The following RBBP9 variants were observed in gnomAD, a reference collection of about 807,000 sequenced individuals.
The protein encoded by RBBP9 is serine hydrolase RBBP9.
Under a neutral mutation model 24.2 loss-of-function variants are expected in RBBP9, and 20 were observed. That is an observed-to-expected ratio of 0.83 (90% CI 0.58 to 1.20). The LOEUF (loss-of-function observed/expected upper bound fraction) is 1.20. Among genes scored for constraint, RBBP9 ranks in the 50% most tolerant of loss-of-function variants. The probability of loss-of-function intolerance (pLI) is 0.00; values close to 1 mark genes in which losing one functional copy is unlikely to be tolerated. For missense variants in RBBP9, 234 were observed against 233.6 expected, an observed-to-expected ratio of 1.00 and a Z score of -0.01; for synonymous variants, 74 against 84.6, an observed-to-expected ratio of 0.87 and a Z score of 0.69.
Position 18,497,208 on chromosome 20 carries a change from G to C in RBBP9, c.-41C>G. On this transcript the variant is annotated 5_prime_UTR_variant, in exon 1 of 5. Transcript: ENST00000337227. ...AGAGTTCCCCAGCGCGGGTCCAGCG[G>C]AGCTGAGCCCAGCCTGCTCCCGCAG... is the stretch of plus-strand genomic sequence containing the variant. 1.3e-6 allele frequency: 2 copies of C among 1,534,682 alleles called. No homozygotes were observed. The highest frequency in any genetic ancestry group is 1.1e-5 in the South Asian group (1 of 88,732).
rs546492449 is a variant in RBBP9 at position 18,487,180 on chromosome 20, T to C, written c.*2584A>G. On this transcript the variant is annotated 3_prime_UTR_variant, in exon 5 of 5. Coordinates refer to ENST00000337227, the MANE Select transcript of RBBP9 (RefSeq NM_006606.3). ...ACCAGTGGCTGTTGAGCACTTGAAA[T>C]ATGGCTAGTTTGACTGAACTGAATT... 1 of 152,284 alleles carries C rather than the reference T, an allele frequency of 6.6e-6. No individual in the cohort carries two copies. The highest frequency in any genetic ancestry group is 2.4e-5 in the African/African-American group (1 of 41,558). 9.4% of individuals were successfully genotyped at this position (152,284 alleles called of 1,614,324 possible). A position where few individuals can be genotyped will look rare whatever the true frequency, so the allele number is the denominator to read the frequency against.
chr20:18,493,059 T>G (rs2148873911), intron 3 of RBBP9, among the ~76,000 whole-genome samples: 1 of 152,358 alleles, frequency 6.6e-6, no homozygotes, highest in East Asian at 1.9e-4. Flanking sequence ...TGTGACAGCC[T>G]AAGTGACTGC....
At chr20:18,494,127 C>T in intron 2 of RBBP9, 64 bp from the exon 3 acceptor site, 3 of 1,308,656 alleles carry the variant, frequency 2.3e-6, no homozygotes, top group South Asian at 2.4e-5. Context: ...CCAACGCTGC[C>T]CCACCTTTCA....
rs2059874919 is a variant in RBBP9, at chr20:18,494,036, G to A, written c.170C>T (p.Pro57Leu). The change falls in exon 3 of 5, where the codon CCC (proline) becomes CTC (leucine). Residue 57 changes from proline (P) to leucine (L), a missense_variant. By Grantham distance (98) the Pro-to-Leu change is moderately conservative. Coordinates refer to ENST00000337227, the MANE Select transcript of RBBP9 (RefSeq NM_006606.3). Reference protein sequence around the residue: ...PITARESIWLPFMETELHCDE... With the variant: ...PITARESIWLLFMETELHCDE... ...ACAGTGCAGCTCTGTCTCCATGAAG[G>A]GCAGCCAGATGCTCTCTCGTGCTGT... is the stretch of plus-strand genomic sequence containing the variant. 3 of 1,613,614 alleles carry A rather than the reference G, an allele frequency of 1.9e-6. No individual in the cohort carries two copies. The highest frequency in any genetic ancestry group is 3.3e-5 in the Admixed American group (2 of 59,898).
At position 18,493,887 on chromosome 20, in the gene RBBP9, T is replaced by C. The variant is rs144168736; in HGVS notation, c.248+71A>G. The stretch of plus-strand genomic sequence containing the variant: ...TCCTCTGCAACAGAAATTTAAGATA[T>C]ACGCAAGGTATTTCTCAAGCAAGCA... On this transcript the variant is annotated intron_variant, in intron 3 of 4. Coordinates refer to ENST00000337227, the MANE Select transcript of RBBP9 (RefSeq NM_006606.3). 5,923 of 1,180,992 alleles carry C rather than the reference T, an allele frequency of 5.0e-3. 20 individuals carry two copies. The highest frequency in any genetic ancestry group is 6.5e-3 in the Middle Eastern group (25 of 3,828). 73.2% of individuals were successfully genotyped at this position (1,180,992 alleles called of 1,614,324 possible).
intron 4 of RBBP9, 62 bp from the exon 5 acceptor site, chr20:18,490,052 A>G: frequency 8.1e-7 from 1 of 1,234,390 alleles, no homozygotes; most frequent in Non-Finnish European, 1.1e-6. Flanking sequence ...AGATATTCTA[A>G]AATACCTACT....
chr20:18,495,326 C>T (rs1160287153), intron 2 of RBBP9, among the ~76,000 whole-genome samples: 1 of 145,968 alleles, frequency 6.9e-6, no homozygotes, highest in African/African-American at 2.5e-5. Flanking sequence ...GCTGTGTCCA[C>T]TCAGGGTTAA....
chr20:18,495,767 T>C, intron 2 of RBBP9, 71 bp downstream of exon 2: 1 of 1,441,038 alleles, frequency 6.9e-7, no homozygotes, highest in Non-Finnish European at 9.8e-7. Flanking sequence ...ATATTCTTGT[T>C]CTCTACCACA....
In RBBP9 at chr20:18,491,971, C is replaced by A. The variant is rs544002845; in HGVS notation, c.249-1491G>T. On this transcript the variant is annotated intron_variant, in intron 3 of 4. Transcript: ENST00000337227. Reference sequence around the variant, plus strand: ...AATTAGCCAGGTGTGGTGGCAGGCGCCTGTAGTCTCAGCTACTCGGGAGGC... The same window carrying A: ...AATTAGCCAGGTGTGGTGGCAGGCGACTGTAGTCTCAGCTACTCGGGAGGC... Among the ~76,000 whole-genome samples, 7 of 151,942 alleles carry A rather than the reference C, an allele frequency of 4.6e-5. No individual in the cohort carries two copies. In the East Asian group the frequency reaches 1.4e-3, roughly 29 times the overall value.
In RBBP9 at chr20:18,492,602, T is replaced by G. The variant is rs139297076; in HGVS notation, c.248+1356A>C. On this transcript the variant is annotated intron_variant, in intron 3 of 4. Transcript: ENST00000337227. ...GTTTGATCATTTGCTTAAAGTGATA[T>G]CCACCTGATTTCTCCATTGGAAAGG... 4.7e-3 allele frequency among the ~76,000 whole-genome samples: 717 copies of G among 152,312 alleles called. 4 individuals are homozygous for G. The highest frequency in any genetic ancestry group is 0.017 in the African/African-American group (688 of 41,564).
In RBBP9 at chr20:18,497,177, G is replaced by C; in HGVS notation, c.-10C>G. Reference sequence around the variant, plus strand: ...TGCTAGGAGAAGCCATGAGTGCAGCGAGGCCAGAGTTCCCCAGCGCGGGTC... The same window carrying C: ...TGCTAGGAGAAGCCATGAGTGCAGCCAGGCCAGAGTTCCCCAGCGCGGGTC... On this transcript the variant is annotated 5_prime_UTR_variant, in exon 1 of 5. Transcript: ENST00000337227. The C allele has an allele frequency of 6.2e-7, 1 of 1,608,608 alleles. No homozygotes were observed. The highest frequency in any genetic ancestry group is 8.5e-7 in the Non-Finnish European group (1 of 1,175,264).
At chr20:18,493,831 T>C (rs1217725813) in intron 3 of RBBP9, 127 bp downstream of exon 3, 1 of 702,350 alleles carries the variant, frequency 1.4e-6, no homozygotes, top group Non-Finnish European at 2.3e-6. Flanking sequence ...TTAGGACAGA[T>C]TATGTTACCA....
In RBBP9 at chr20:18,495,825, G is replaced by A; in HGVS notation, c.142+13C>T. Reference sequence around the variant, plus strand: ...ACAAGATGAGGCTATTTAAAAACAAGTTTAAAACTTACTTGGGTCGGGCAT... The same window carrying A: ...ACAAGATGAGGCTATTTAAAAACAAATTTAAAACTTACTTGGGTCGGGCAT... On this transcript the variant is annotated intron_variant, in intron 2 of 4. Coordinates refer to ENST00000337227, the MANE Select transcript of RBBP9 (RefSeq NM_006606.3). The A allele has an allele frequency of 6.5e-7, 1 of 1,550,186 alleles. No homozygotes were observed. Among genetic ancestry groups the A allele is most frequent in the Non-Finnish European group, 8.9e-7 (1 of 1,123,426 alleles).
rs1403643843 is a variant in RBBP9 at position 18,495,877 on chromosome 20, G to A, written c.103C>T (p.Pro35Ser). Reference protein sequence around the residue: ...GWVKKELEKIPGFQCLAKNMP... With the variant: ...GWVKKELEKISGFQCLAKNMP... Reference sequence around the variant, plus strand: ...TTTTTAGCCAAACACTGGAAACCAGGTATCTATGATATGAGGGGGGAGAAA... The same window carrying A: ...TTTTTAGCCAAACACTGGAAACCAGATATCTATGATATGAGGGGGGAGAAA... The change falls in exon 2 of 5, where the codon CCT becomes TCT. Residue 35 changes from proline to serine, a missense_variant. Pro to Ser is a moderately conservative substitution (Grantham distance 74). Coordinates refer to ENST00000337227, the MANE Select transcript of RBBP9 (RefSeq NM_006606.3). The A allele has an allele frequency of 1.2e-5, 18 of 1,553,646 alleles. No homozygotes were observed. Among genetic ancestry groups the A allele is most frequent in the Non-Finnish European group, 1.3e-5 (15 of 1,134,730 alleles).
chr20:18,495,775 A>G, intron 2 of RBBP9, 63 bp downstream of exon 2: 2 of 1,474,874 alleles, frequency 1.4e-6, no homozygotes, highest in East Asian at 2.3e-5. Context: ...GTTCTCTACC[A>G]CAAAAATGGT....
intron 2 of RBBP9, among the ~76,000 whole-genome samples, chr20:18,495,617 AAAT>A (rs2059883669): frequency 1.6e-5 from 2 of 126,652 alleles, no homozygotes; most frequent in East Asian, 2.3e-4. Flanking sequence ...ATAAATAAAT[AAAT>A]AAAAATGACA....
intron 1 of RBBP9, among the ~76,000 whole-genome samples, chr20:18,496,660 A>T (rs566415149): frequency 6.6e-6 from 1 of 152,192 alleles, no homozygotes; most frequent in African/African-American, 2.4e-5. Context: ...ATTATGCCTC[A>T]TAATGTAGAC....
At position 18,490,425 on chromosome 20, in the gene RBBP9, C is replaced by T; in HGVS notation, c.304G>A (p.Asp102Asn). ...AIVLVSAYTSDLGDENERASG... is the reference protein window; with the variant it reads ...AIVLVSAYTSNLGDENERASG... ...GCACGCTCATTTTCATCCCCCAAGT[C>T]TGATGTGTACGCAGACACTAATACA... The change falls in exon 4 of 5, where the codon GAC (aspartate) becomes AAC (asparagine). Residue 102 changes from aspartate (D) to asparagine (N), a missense_variant. By Grantham distance (23) the Asp-to-Asn change is conservative. Coordinates refer to ENST00000337227, the MANE Select transcript of RBBP9 (RefSeq NM_006606.3). 2 of 1,613,944 alleles carry T rather than the reference C, an allele frequency of 1.2e-6. No homozygotes were observed. The highest frequency in any genetic ancestry group is 1.7e-6 in the Non-Finnish European group (2 of 1,179,860).
At chr20:18,493,651 C>T (rs1054547023) in intron 3 of RBBP9, among the ~76,000 whole-genome samples, 1 of 152,114 alleles carries the variant, frequency 6.6e-6, no homozygotes, top group Non-Finnish European at 1.5e-5. Flanking sequence ...GCAATGAGGT[C>T]AGTAAACCTG....
Sources: allele counts gnomAD v4.1 joint callset (sites outside exome capture counted in the v4.1 genomes callset), GRCh38; gene constraint gnomAD v4.1.1; transcripts MANE v1.5; gene names NCBI Gene and HGNC (gene_info 2026-07-23, HGNC 2026-07-21).